HGD: variants seen among roughly 807,000 people sequenced by gnomAD.
HGD encodes homogentisate oxidase.
In HGD, 61 loss-of-function variants were observed where a neutral mutation model predicts 60.8. That is an observed-to-expected ratio of 1.00 (90% confidence interval 0.82 to 1.24). The LOEUF (loss-of-function observed/expected upper bound fraction) is 1.24, where lower values mean the gene tolerates loss of function less well. Among genes scored for constraint, HGD ranks in the 50% most tolerant of loss-of-function variants. HGD has a pLI of 0.00. For missense variants in HGD, 542 were observed against 547.1 expected (o/e 0.99, Z 0.09); for synonymous variants, 212 against 187.7 (o/e 1.13, Z -1.06).
At chr3:120,633,618 T>A (rs1254140482) in intron 12 of HGD, 3 of 1,351,876 alleles carry the variant, frequency 2.2e-6, no homozygotes, top group Non-Finnish European at 1.9e-6. Context: ...CCAGAGAAGA[T>A]AATAATAATT....
intron 4 of HGD, among the ~76,000 whole-genome samples, chr3:120,662,015 G>A (rs2551573): frequency 0.46 from 70,655 of 152,052 alleles, 17,396 homozygotes; most frequent in East Asian, 0.63. Flanking sequence ...ATCATAAATC[G>A]TGAGTGAGAT....
chr3:120,677,225 G>A (rs898904432), intron 1 of HGD, among the ~76,000 whole-genome samples: 1 of 152,178 alleles, frequency 6.6e-6, no homozygotes, highest in East Asian at 1.9e-4. Flanking sequence ...CAGGATAACA[G>A]CAATTGTTCA....
intron 12 of HGD, among the ~76,000 whole-genome samples, chr3:120,637,767 CCTTT>C (rs1242221796): frequency 6.6e-6 from 1 of 152,052 alleles, no homozygotes; most frequent in Non-Finnish European, 1.5e-5. Context: ...TGTTTAGAAG[CCTTT>C]CTAACAAGGC....
In HGD at chr3:120,628,511, A is replaced by G. The variant is rs751197824; in HGVS notation, c.1207T>C (p.Ser403Pro). ...CACTTTGTGACCGCCAGACTTAAAG[A>G]TGATTCAAACATAAATGCCTGGAGG... ...DGTMAFMFES[S>P]LSLAVTKWGL... Residue 403 changes from serine to proline, a missense_variant, in exon 14 of 14, where the codon TCT becomes CCT. Coordinates refer to ENST00000283871, the MANE Select transcript of HGD (RefSeq NM_000187.4). The G allele has an allele frequency of 1.2e-6, 2 of 1,614,036 alleles. No individual in the cohort carries two copies. Among genetic ancestry groups the G allele is most frequent in the Non-Finnish European group, 8.5e-7 (1 of 1,179,982 alleles).
intron 11 of HGD, among the ~76,000 whole-genome samples, chr3:120,639,361 T>C (rs553703290): frequency 1.0e-3 from 153 of 152,360 alleles, no homozygotes; most frequent in African/African-American, 3.6e-3. Flanking sequence ...GCTGCATCCA[T>C]GTTGCTGCAA....
intron 9 of HGD, among the ~76,000 whole-genome samples, chr3:120,644,808 C>G (rs534777038): frequency 1.3e-5 from 2 of 152,210 alleles, no homozygotes; most frequent in East Asian, 1.9e-4. Context: ...TTGAAGGAAC[C>G]CTTGAATATT....
chr3:120,635,334 G>A (rs994673561), intron 12 of HGD, among the ~76,000 whole-genome samples: 9 of 151,884 alleles, frequency 5.9e-5, no homozygotes, highest in Admixed American at 2.0e-4. Context: ...AAAATTAGCC[G>A]GGCGTGGTAG....
intron 12 of HGD, among the ~76,000 whole-genome samples, chr3:120,636,116 CA>C (rs34434001): frequency 0.56 from 63,023 of 112,954 alleles, 15,986 homozygotes; most frequent in Middle Eastern, 0.66. Flanking sequence ...ACTAACAATA[CA>C]AAAAAAAAAA....
At chr3:120,675,952 A>G in intron 1 of HGD, 89 bp from the exon 2 acceptor site, 1 of 883,326 alleles carries the variant, frequency 1.1e-6, no homozygotes, top group Non-Finnish European at 1.9e-6. Flanking sequence ...AAGAATTTCT[A>G]TATGGACCTA....
intron 4 of HGD, among the ~76,000 whole-genome samples, chr3:120,657,275 A>G (rs1316842539): frequency 6.6e-6 from 1 of 152,242 alleles, no homozygotes; most frequent in Non-Finnish European, 1.5e-5. Flanking sequence ...ACTTAAGATT[A>G]CCAAAGGAGG....
chr3:120,651,523 T>C (rs1176341693), intron 5 of HGD, among the ~76,000 whole-genome samples: 1 of 152,196 alleles, frequency 6.6e-6, no homozygotes, highest in Admixed American at 6.5e-5. Flanking sequence ...GGGGATATCA[T>C]TTTGTATTTT....
intron 9 of HGD, among the ~76,000 whole-genome samples, chr3:120,645,974 C>T (rs1941145219): frequency 6.6e-6 from 1 of 152,148 alleles, no homozygotes; most frequent in Non-Finnish European, 1.5e-5. Flanking sequence ...CCACAGTAAC[C>T]CAAACTTCTA....
intron 1 of HGD, 47 bp downstream of exon 1, chr3:120,682,050 A>G: frequency 6.3e-7 from 1 of 1,592,564 alleles, no homozygotes; most frequent in East Asian, 2.2e-5. Flanking sequence ...AACTTCCATA[A>G]ATTTTGGCTG....
chr3:120,667,656 A>C (rs1707931116), intron 4 of HGD, among the ~76,000 whole-genome samples: 1 of 152,140 alleles, frequency 6.6e-6, no homozygotes, highest in African/African-American at 2.4e-5. Context: ...AGATCTATGA[A>C]GATTTATTAA....
Position 120,647,758 on chromosome 3 carries a change from GC to G in HGD, c.469+118del, listed in dbSNP as rs1201880873. 9.1e-6 allele frequency: 8 copies of G among 878,970 alleles called. No individual in the cohort carries two copies. In the Middle Eastern group the frequency reaches 6.5e-4, roughly 71 times the overall value. 54.4% of individuals were successfully genotyped at this position (878,970 alleles called of 1,614,324 possible). On this transcript the variant is annotated intron_variant, in intron 7 of 13. Coordinates refer to ENST00000283871, the MANE Select transcript of HGD (RefSeq NM_000187.4). The stretch of plus-strand genomic sequence containing the variant: ...GCCTCTAGACCTCAGTCTCTGGATT[GC>G]ACTAAATGAAATAAGACAGATTGGA...
chr3:120,629,121 A>G (rs1220658736), intron 13 of HGD, among the ~76,000 whole-genome samples: 1 of 152,182 alleles, frequency 6.6e-6, no homozygotes, highest in African/African-American at 2.4e-5. Context: ...TAGCACTTTT[A>G]AAAGTCATAT....
chr3:120,677,630 T>C (rs1025165400), intron 1 of HGD, among the ~76,000 whole-genome samples: 1 of 152,182 alleles, frequency 6.6e-6, no homozygotes, highest in Non-Finnish European at 1.5e-5. Flanking sequence ...GGTCCTGTGG[T>C]CCTGTGATCT....
chr3:120,675,453 C>T (rs1708109480), intron 2 of HGD, among the ~76,000 whole-genome samples: 1 of 152,008 alleles, frequency 6.6e-6, no homozygotes, highest in African/African-American at 2.4e-5. Flanking sequence ...CATCTTTGTG[C>T]ATACATGTGA....
chr3:120,631,554 A>G (rs1366410210), intron 13 of HGD, among the ~76,000 whole-genome samples: 2 of 152,190 alleles, frequency 1.3e-5, no homozygotes, highest in Non-Finnish European at 1.5e-5. Flanking sequence ...ACATACAAGG[A>G]TCATTATGGC....
Sources: gnomAD v4.1 joint callset for allele counts (sites outside exome capture counted in the v4.1 genomes callset) on GRCh38, gnomAD v4.1.1 for gene constraint, MANE v1.5 for transcripts, NCBI Gene and HGNC (gene_info 2026-07-23, HGNC 2026-07-21) for gene names.